Variants in KCNMA1 observed in about 807,000 individuals in gnomAD.
KCNMA1 encodes the protein potassium calcium-activated channel subfamily M alpha 1.
Under a neutral mutation model 140.0 loss-of-function variants are expected in KCNMA1, and 29 were observed. The observed-to-expected ratio is 0.21, with a 90% CI of 0.15 to 0.28. The LOEUF (loss-of-function observed/expected upper bound fraction) is 0.28. Ranked by LOEUF, KCNMA1 falls within the 10% of genes least tolerant of loss-of-function variation. KCNMA1 has a pLI of 1.00. For synonymous variants in KCNMA1, 612 were observed against 611.9 expected, an observed-to-expected ratio of 1.00 and a Z score of 0.00; for missense variants, 880 against 1,602.2, an observed-to-expected ratio of 0.55 and a Z score of 7.70.
At chr10:77,464,363 A>C (rs902037602) in intron 1 of KCNMA1, among the ~76,000 whole-genome samples, 3 of 152,222 alleles carry the variant, frequency 2.0e-5, no homozygotes, top group African/African-American at 7.2e-5. Flanking sequence ...TCATTAGTAC[A>C]CAGAGAGGTA....
chr10:77,096,550 A>G (rs2096937368), intron 9 of KCNMA1, among the ~76,000 whole-genome samples: 1 of 152,224 alleles, frequency 6.6e-6, no homozygotes, highest in African/African-American at 2.4e-5. Context: ...ATCTTTCTTT[A>G]GCAGAGCCTC....
intron 5 of KCNMA1, among the ~76,000 whole-genome samples, chr10:77,172,529 C>T (rs2154103004): frequency 6.6e-6 from 1 of 152,198 alleles, no homozygotes; most frequent in East Asian, 1.9e-4. Context: ...AATGAGCTCC[C>T]TGAAATACAT....
chr10:77,378,216 T>C (rs1278263386), intron 2 of KCNMA1, among the ~76,000 whole-genome samples: 2 of 152,164 alleles, frequency 1.3e-5, no homozygotes, highest in African/African-American at 4.8e-5. Flanking sequence ...GACTCACTCA[T>C]CTGGGTGGAA....
intron 1 of KCNMA1, among the ~76,000 whole-genome samples, chr10:77,478,674 T>C (rs1029488024): frequency 6.6e-6 from 1 of 152,236 alleles, no homozygotes; most frequent in African/African-American, 2.4e-5. Context: ...CTTTTTGCTA[T>C]TTCAGATGGT....
chr10:77,443,341 C>T (rs147801786), intron 1 of KCNMA1, among the ~76,000 whole-genome samples: 3 of 152,342 alleles, frequency 2.0e-5, no homozygotes, highest in South Asian at 4.1e-4. Context: ...CCTTGAGATC[C>T]ATCACTATCC....
chr10:77,212,238 A>G (rs1018354861), intron 3 of KCNMA1, among the ~76,000 whole-genome samples: 10 of 152,376 alleles, frequency 6.6e-5, no homozygotes, highest in Admixed American at 5.9e-4. Context: ...AAAATGTGGT[A>G]CATACACATC....
chr10:77,290,691 G>A (rs758376343), intron 2 of KCNMA1, among the ~76,000 whole-genome samples: 13 of 152,122 alleles, frequency 8.5e-5, no homozygotes, highest in Non-Finnish European at 1.5e-4. Context: ...TTCTGATCTG[G>A]CGGGAAATTC....
intron 2 of KCNMA1, among the ~76,000 whole-genome samples, chr10:77,335,059 G>C (rs1461589677): frequency 6.6e-6 from 1 of 152,084 alleles, no homozygotes; most frequent in Admixed American, 6.6e-5. Context: ...GTACAGAGGA[G>C]GGGACACATC....
intron 1 of KCNMA1, among the ~76,000 whole-genome samples, chr10:77,445,061 A>C (rs569169595): frequency 6.6e-6 from 1 of 152,298 alleles, no homozygotes; most frequent in East Asian, 1.9e-4. Flanking sequence ...GGCTCACCCC[A>C]GACAGGGCCA....
chr10:77,194,036 G>T (rs181141925), intron 3 of KCNMA1, among the ~76,000 whole-genome samples: 58 of 152,192 alleles, frequency 3.8e-4, no homozygotes, highest in Non-Finnish European at 5.4e-4. Context: ...ACCAGGGATA[G>T]CCAACAACCC....
At chr10:77,210,758 T>C (rs2045799936) in intron 3 of KCNMA1, among the ~76,000 whole-genome samples, 1 of 152,186 alleles carries the variant, frequency 6.6e-6, no homozygotes, top group South Asian at 2.1e-4. Flanking sequence ...GTAGCATTTC[T>C]ACACACCAAC....
chr10:77,609,956 A>G (rs1567853128), intron 1 of KCNMA1, among the ~76,000 whole-genome samples: 1 of 152,222 alleles, frequency 6.6e-6, no homozygotes, highest in Non-Finnish European at 1.5e-5. Flanking sequence ...GGAACCATTT[A>G]GAAAAAGCAG....
downstream of KCNMA1, chr10:76,884,374 C>T (rs1261098057): frequency 2.0e-5 from 3 of 152,134 alleles, no homozygotes; most frequent in African/African-American, 4.8e-5. Context: ...GAAATATTGA[C>T]AGAGAAGCAA....
At chr10:77,001,856 A>G (rs1274875514) in intron 18 of KCNMA1, among the ~76,000 whole-genome samples, 2 of 152,230 alleles carry the variant, frequency 1.3e-5, no homozygotes, top group Non-Finnish European at 2.9e-5. Context: ...GGAAAAGGGC[A>G]TGGCTGAATA....
intron 1 of KCNMA1, among the ~76,000 whole-genome samples, chr10:77,633,884 C>G (rs561749861): frequency 6.6e-6 from 1 of 152,148 alleles, no homozygotes; most frequent in Non-Finnish European, 1.5e-5. Context: ...TGCTGGAAGA[C>G]GAGCAGAAGA....
At chr10:77,292,517 CA>C in intron 2 of KCNMA1, among the ~76,000 whole-genome samples, 3 of 152,228 alleles carry the variant, frequency 2.0e-5, no homozygotes, top group Non-Finnish European at 4.4e-5. Flanking sequence ...CCAGTGGAAG[CA>C]CTGGGCAAAG....
intron 1 of KCNMA1, among the ~76,000 whole-genome samples, chr10:77,504,411 C>A (rs1403602178): frequency 1.1e-4 from 16 of 152,048 alleles, no homozygotes; most frequent in Non-Finnish European, 2.4e-4. Context: ...TGATGGGGAA[C>A]CGAGCAACCG....
At chr10:77,610,251 A>C (rs1182355994) in intron 1 of KCNMA1, among the ~76,000 whole-genome samples, 1 of 152,126 alleles carries the variant, frequency 6.6e-6, no homozygotes, top group Non-Finnish European at 1.5e-5. Flanking sequence ...AAATTATCTC[A>C]TTCATTGATT....
At chr10:77,533,388 T>C (rs2058145936) in intron 1 of KCNMA1, among the ~76,000 whole-genome samples, 1 of 152,188 alleles carries the variant, frequency 6.6e-6, no homozygotes, top group South Asian at 2.1e-4. Flanking sequence ...CCCTAGTCAA[T>C]GATTACATGA....
Sources: allele counts gnomAD v4.1 joint callset (sites outside exome capture counted in the v4.1 genomes callset), GRCh38; gene constraint gnomAD v4.1.1; transcripts MANE v1.5; gene names NCBI Gene and HGNC (gene_info 2026-07-23, HGNC 2026-07-21).